Variants in VASH2 observed in about 807,000 individuals in gnomAD.
VASH2 encodes the protein vasohibin 2.
Under a neutral mutation model 37.2 loss-of-function variants are expected in VASH2, and 28 were observed. That is an observed-to-expected ratio of 0.75 (90% confidence interval 0.56 to 1.03). The LOEUF (loss-of-function observed/expected upper bound fraction) is 1.03, where lower values mean the gene tolerates loss of function less well. VASH2 is among the 50% of genes least tolerant of loss of function. The pLI, the probability that VASH2 is intolerant of heterozygous loss-of-function variation, is 0.00. For synonymous variants in VASH2, 188 were observed against 174.7 expected (o/e 1.08, Z -0.60); for missense variants, 419 against 459.1 (o/e 0.91, Z 0.80).
intron 3 of VASH2, among the ~76,000 whole-genome samples, chr1:212,963,347 T>G (rs1455413226): frequency 6.6e-6 from 1 of 152,202 alleles, no homozygotes; most frequent in Non-Finnish European, 1.5e-5. Context: ...CTGGGGCCAC[T>G]GCACGAGGAA....
At position 212,961,154 on chromosome 1, in the gene VASH2, A is replaced by AT. The variant is rs1201663433; in HGVS notation, c.277-7dup. 1.2e-6 allele frequency: 2 copies of AT among 1,613,614 alleles called. No individual in the cohort carries two copies. The highest frequency in any genetic ancestry group is 4.5e-5 in the East Asian group (2 of 44,864). On this transcript the variant is annotated splice_polypyrimidine_tract_variant and intron_variant, in intron 2 of 7. Transcript: ENST00000517399. ...CCTTCATAAACACCTCCTCTTCTCT[A>AT]TTTTTCTGCAGCCTTCAATACCCCA...
chr1:212,951,549 G>C lies in VASH2; in HGVS notation c.7G>C (p.Gly3Arg), dbSNP rs1246485508. The change falls in exon 2 of 8, where the codon GGC becomes CGC. Residue 3 changes from glycine to arginine, a missense_variant. Physicochemically the swap from Gly to Arg is moderately radical, Grantham distance 125 (BLOSUM62 -2). Around this residue, in one of 3 missense-constraint regions of VASH2, gnomAD observed 158 missense variants for 163.0 expected, o/e 0.97. Coordinates refer to ENST00000517399, the MANE Select transcript of VASH2 (RefSeq NM_001301056.2). The surrounding 1 kb of genome is among the most constrained non-coding windows in gnomAD (Gnocchi z 4.4). ...TCCCCGCCCAGGCCCCACCATGACC[G>C]GCTCCGCGGCCGACACTCACCGCTG... The part of the protein sequence containing the change: MT[G>R]SAADTHRCPH... 13 of 1,514,882 alleles carry C rather than the reference G, an allele frequency of 8.6e-6. No homozygotes were observed. Among genetic ancestry groups the C allele is most frequent in the Admixed American group, 2.0e-5 (1 of 49,868 alleles). The allele number at this position is 1,514,882 out of a possible 1,614,324, so 93.8% of individuals were successfully genotyped here.
chr1:212,967,276 C>A, intron 5 of VASH2: 4 of 1,280,234 alleles, frequency 3.1e-6, no homozygotes, highest in Non-Finnish European at 4.1e-6. Flanking sequence ...AGTCTCATCC[C>A]TGCACAATTT....
At chr1:212,978,834 C>T (rs896286026) in intron 7 of VASH2, among the ~76,000 whole-genome samples, 13 of 152,096 alleles carry the variant, frequency 8.5e-5, no homozygotes, top group Non-Finnish European at 8.8e-5. Context: ...TTCTTGGTGG[C>T]GGAAACCCTT....
intron 7 of VASH2, among the ~76,000 whole-genome samples, chr1:212,985,074 T>A (rs1252408918): frequency 6.6e-6 from 1 of 152,072 alleles, no homozygotes; most frequent in Non-Finnish European, 1.5e-5. Context: ...CAGGCTGGAA[T>A]GCAGTTGTGC....
At chr1:212,957,099 C>T (rs1487009616) in intron 2 of VASH2, among the ~76,000 whole-genome samples, 1 of 152,188 alleles carries the variant, frequency 6.6e-6, no homozygotes, top group Non-Finnish European at 1.5e-5. Context: ...CTCTGGGAAC[C>T]TTATATAAGA....
In VASH2 at chr1:212,985,002, C is replaced by T. The variant is rs772316379; in HGVS notation, c.996-3510C>T. On this transcript the variant is annotated intron_variant, in intron 7 of 7. Coordinates refer to ENST00000517399, the MANE Select transcript of VASH2 (RefSeq NM_001301056.2). The stretch of plus-strand genomic sequence containing the variant: ...AGGTTTGGCTAAGGTTAGGTGTAAG[C>T]TGTAGCTTAAACATAATTCACTTTT... 2.0e-5 allele frequency among the ~76,000 whole-genome samples: 3 copies of T among 152,092 alleles called. No individual in the cohort carries two copies. In the East Asian group the frequency reaches 5.8e-4, roughly 29 times the overall value.
intron 7 of VASH2, among the ~76,000 whole-genome samples, chr1:212,986,086 G>A (rs34377836): frequency 6.6e-6 from 1 of 152,194 alleles, no homozygotes; most frequent in African/African-American, 2.4e-5. Flanking sequence ...TACAAATGTA[G>A]TTTATATTTG....
At position 212,951,629 on chromosome 1, in the gene VASH2, C is replaced by G; in HGVS notation, c.87C>G (p.Pro29=). The change falls in exon 2 of 8, where the codon CCC becomes CCG. Residue 29 remains proline (P), a synonymous_variant. Transcript: ENST00000517399. The surrounding 1 kb of genome is among the most constrained non-coding windows in gnomAD (Gnocchi z 4.4). ...GGTCCCGGAGCAGCCACGCGCGGCC[C>G]GTGAGCCTCGCCACCAGCGGGGGCT... ...GTRSRSSHAR[P]VSLATSGGSE... 3.2e-6 allele frequency: 5 copies of G among 1,571,112 alleles called. No homozygotes were observed. The highest frequency in any genetic ancestry group is 4.3e-6 in the Non-Finnish European group (5 of 1,158,584).
At chr1:212,963,027 C>T (rs557273942) in intron 3 of VASH2, among the ~76,000 whole-genome samples, 1 of 152,058 alleles carries the variant, frequency 6.6e-6, no homozygotes, top group South Asian at 2.1e-4. Context: ...TAAGGTTCCC[C>T]ACTTCTATCT....
At chr1:212,956,799 GTTA>G (rs1666511167) in intron 2 of VASH2, among the ~76,000 whole-genome samples, 2 of 152,090 alleles carry the variant, frequency 1.3e-5, no homozygotes, top group African/African-American at 2.4e-5. Context: ...CAAGTATTTG[GTTA>G]TTATTTGCTT....
chr1:212,988,392 TG>T, intron 7 of VASH2, 119 bp from the exon 8 acceptor site: 1 of 975,092 alleles, frequency 1.0e-6, no homozygotes, highest in Non-Finnish European at 1.6e-6. Context: ...GGTGGGGGAA[TG>T]GGAGGATGAG....
chr1:212,961,350 AG>A, intron 3 of VASH2, 96 bp downstream of exon 3: 1 of 1,596,196 alleles, frequency 6.3e-7, no homozygotes, highest in South Asian at 1.1e-5. Context: ...GGTCATCAAA[AG>A]CTCTCTAAGG....
intron 5 of VASH2, among the ~76,000 whole-genome samples, chr1:212,970,683 A>G (rs969137183): frequency 1.8e-4 from 28 of 152,112 alleles, no homozygotes; most frequent in African/African-American, 6.3e-4. Flanking sequence ...TGAGGTCAGG[A>G]GTTCGAGACC....
At chr1:212,981,451 G>A (rs1176669724) in intron 7 of VASH2, among the ~76,000 whole-genome samples, 6 of 152,212 alleles carry the variant, frequency 3.9e-5, no homozygotes, top group Non-Finnish European at 8.8e-5. Context: ...CAGACCGGCC[G>A]TGAATCCTAA....
intron 7 of VASH2, among the ~76,000 whole-genome samples, chr1:212,977,029 A>AG (rs1453174043): frequency 1.3e-4 from 19 of 145,142 alleles, no homozygotes; most frequent in African/African-American, 4.8e-4. Flanking sequence ...CAAGGTGAGG[A>AG]GGGGTGGGTT....
intron 7 of VASH2, among the ~76,000 whole-genome samples, chr1:212,985,862 T>C (rs752423038): frequency 2.0e-5 from 3 of 152,230 alleles, no homozygotes; most frequent in Non-Finnish European, 2.9e-5. Flanking sequence ...CACTTCCATG[T>C]AAATCTCACT....
rs1667005399 is a variant in VASH2, at chr1:212,971,320, A to C, written c.498-1260A>C. 6.6e-6 allele frequency among the ~76,000 whole-genome samples: 1 copy of C among 152,146 alleles called. No individual in the cohort carries two copies. The highest frequency in any genetic ancestry group is 2.4e-5 in the African/African-American group (1 of 41,430). ...CTTTTGGGTATGCACCCAGAAGTGG[A>C]ATTGCCAGGTCCTAGGGTAATCCTG... On this transcript the variant is annotated intron_variant, in intron 5 of 7. Transcript: ENST00000517399. This position sits in a 1 kb window ranked among gnomAD's most constrained non-coding sequence, Gnocchi z 4.0.
chr1:212,954,298 G>A (rs1397436804), intron 2 of VASH2, among the ~76,000 whole-genome samples: 2 of 152,190 alleles, frequency 1.3e-5, no homozygotes, highest in African/African-American at 4.8e-5. Context: ...GTAGTCATTT[G>A]CAAGCACATA....
Sources: allele counts gnomAD v4.1 joint callset (sites outside exome capture counted in the v4.1 genomes callset), GRCh38; gene constraint gnomAD v4.1.1; regional missense constraint gnomAD v4.1.1; non-coding constraint Gnocchi (gnomAD v3.1); transcripts MANE v1.5; gene names NCBI Gene and HGNC (gene_info 2026-07-23, HGNC 2026-07-21).